UBE2E2: variants seen among roughly 807,000 people sequenced by gnomAD.
The protein encoded by UBE2E2 is ubiquitin conjugating enzyme E2 E2.
Under a neutral mutation model 24.7 loss-of-function variants are expected in UBE2E2, and 6 were observed. That is an observed-to-expected ratio of 0.24 (90% confidence interval 0.13 to 0.48). The LOEUF is 0.48. UBE2E2 is among the 20% of genes least tolerant of loss of function. The probability of loss-of-function intolerance (pLI) is 0.99; values close to 1 mark genes in which losing one functional copy is unlikely to be tolerated. For synonymous variants in UBE2E2, 104 were observed against 83.6 expected (o/e 1.24, Z -1.33); for missense variants, 169 against 245.0 (o/e 0.69, Z 2.07).
At chr3:23,443,087 A>G (rs1698342756) in intron 3 of UBE2E2, among the ~76,000 whole-genome samples, 1 of 152,138 alleles carries the variant, frequency 6.6e-6, no homozygotes, top group Non-Finnish European at 1.5e-5. Context: ...TTTTCTGGCC[A>G]TTATCCCTCT....
Position 23,540,695 on chromosome 3 carries a change from GCCTGGCAGACTGACA to G in UBE2E2, c.508+7998_508+8012del, listed in dbSNP as rs1695378241. Among the ~76,000 whole-genome samples the G allele has an allele frequency of 2.6e-5, 4 of 152,078 alleles. 1 individual carries two copies. The South Asian group carries it at 8.3e-4, about 32-fold the overall frequency. On this transcript the variant is annotated intron_variant, in intron 5 of 5. Coordinates refer to ENST00000396703, the MANE Select transcript of UBE2E2 (RefSeq NM_152653.4). ...TAGGATTACAGGCATGAGCCACCGT[GCCTGGCAGACTGACA>G]CCTTTTTAAAAAAATAGAGAGAGAG...
At chr3:23,227,553 C>G (rs1696860651) in intron 3 of UBE2E2, among the ~76,000 whole-genome samples, 1 of 152,168 alleles carries the variant, frequency 6.6e-6, no homozygotes, top group African/African-American at 2.4e-5. Context: ...GTATCCATCT[C>G]TTTTTCCTTT....
chr3:23,357,183 A>G (rs1315969964), intron 3 of UBE2E2, among the ~76,000 whole-genome samples: 1 of 152,238 alleles, frequency 6.6e-6, no homozygotes, highest in African/African-American at 2.4e-5. Flanking sequence ...GGAATGGGAT[A>G]TCAGAATGGA....
At chr3:23,418,869 G>C (rs1229856363) in intron 3 of UBE2E2, among the ~76,000 whole-genome samples, 1 of 151,984 alleles carries the variant, frequency 6.6e-6, no homozygotes, top group Non-Finnish European at 1.5e-5. Flanking sequence ...ACTTAAATAT[G>C]GTTAAAATAC....
At chr3:23,418,811 G>A (rs1026297727) in intron 3 of UBE2E2, among the ~76,000 whole-genome samples, 1 of 152,178 alleles carries the variant, frequency 6.6e-6, no homozygotes, top group African/African-American at 2.4e-5. Context: ...ATGACTCTGA[G>A]CATCAGATTT....
At chr3:23,355,227 TG>T (rs1480971055) in intron 3 of UBE2E2, among the ~76,000 whole-genome samples, 3 of 32,166 alleles carry the variant, frequency 9.3e-5, no homozygotes, top group South Asian at 9.3e-4. Context: ...TGGGGACTGG[TG>T]GGGGGTTGGG....
At chr3:23,248,210 T>G (rs929809210) in intron 3 of UBE2E2, among the ~76,000 whole-genome samples, 5 of 152,254 alleles carry the variant, frequency 3.3e-5, no homozygotes, top group Admixed American at 2.6e-4. Flanking sequence ...TTGATCAGGT[T>G]GTTGTCTTCA....
At chr3:23,487,915 T>C (rs1049591122) in intron 3 of UBE2E2, among the ~76,000 whole-genome samples, 1 of 152,142 alleles carries the variant, frequency 6.6e-6, no homozygotes, top group African/African-American at 2.4e-5. Flanking sequence ...TTTGATAACG[T>C]TGGCTTCCAG....
chr3:23,529,601 T>A (rs1361770325), intron 4 of UBE2E2, among the ~76,000 whole-genome samples: 1 of 152,218 alleles, frequency 6.6e-6, no homozygotes, highest in Non-Finnish European at 1.5e-5. Flanking sequence ...TGCCTTAGTT[T>A]CATCATTTTT....
At position 23,343,210 on chromosome 3, in the gene UBE2E2, G is replaced by A. The variant is rs4858507; in HGVS notation, c.227+125898G>A. Among the ~76,000 whole-genome samples the A allele has an allele frequency of 2.0e-5, 3 of 151,762 alleles. No homozygotes were observed. The East Asian group carries it at 5.8e-4, about 29-fold the overall frequency. ...TTCATGAAACATTGTGACATGGAAA[G>A]GTACTTAGGACTTAGTCTAAAATGG... is the stretch of plus-strand genomic sequence containing the variant. On this transcript the variant is annotated intron_variant, in intron 3 of 5. Coordinates refer to ENST00000396703, the MANE Select transcript of UBE2E2 (RefSeq NM_152653.4).
chr3:23,418,149 G>A (rs1457947038), intron 3 of UBE2E2, among the ~76,000 whole-genome samples: 3 of 152,162 alleles, frequency 2.0e-5, no homozygotes, highest in East Asian at 1.9e-4. Flanking sequence ...ACAAATGGCC[G>A]TCCAGTTTTG....
Position 23,589,993 on chromosome 3 carries a change from TC to T in UBE2E2, c.*164del. 1 of 575,858 alleles carries T rather than the reference TC, an allele frequency of 1.7e-6. No individual in the cohort carries two copies. The highest frequency in any genetic ancestry group is 3.0e-5 in the Admixed American group (1 of 33,522). The allele number at this position is 575,858 out of a possible 1,614,324, so 35.7% of individuals were successfully genotyped here. On this transcript the variant is annotated 3_prime_UTR_variant, in exon 6 of 6. Transcript: ENST00000396703. This position sits in a 1 kb window ranked among gnomAD's most constrained non-coding sequence, Gnocchi z 4.1. ...TTGTCCATCTTCCCATCCCAGTTCT[TC>T]CTGCCCCCCTTCCTCTCTCCCACGC...
intron 3 of UBE2E2, among the ~76,000 whole-genome samples, chr3:23,319,321 A>G (rs1694677944): frequency 6.6e-6 from 1 of 152,328 alleles, no homozygotes. Flanking sequence ...TCTAAAACTT[A>G]ACATTCTTAG....
At chr3:23,374,109 T>C (rs936941158) in intron 3 of UBE2E2, among the ~76,000 whole-genome samples, 1 of 152,190 alleles carries the variant, frequency 6.6e-6, no homozygotes, top group South Asian at 2.1e-4. Flanking sequence ...TATAATGGTA[T>C]AAAATCTTTA....
At chr3:23,565,223 T>G (rs912705452) in intron 5 of UBE2E2, among the ~76,000 whole-genome samples, 1 of 152,058 alleles carries the variant, frequency 6.6e-6, no homozygotes, top group African/African-American at 2.4e-5. Flanking sequence ...CATTATGATG[T>G]GAGTCAAGGT....
At chr3:23,551,148 C>T (rs765262458) in intron 5 of UBE2E2, among the ~76,000 whole-genome samples, 14 of 152,114 alleles carry the variant, frequency 9.2e-5, no homozygotes, top group Non-Finnish European at 5.9e-5. Flanking sequence ...CAACACTCAA[C>T]AACATAAAAA....
At chr3:23,491,290 A>G (rs1699489715) in intron 3 of UBE2E2, among the ~76,000 whole-genome samples, 1 of 152,188 alleles carries the variant, frequency 6.6e-6, no homozygotes, top group Non-Finnish European at 1.5e-5. Flanking sequence ...GGGCATAGGG[A>G]ATGCCTTTTC....
At chr3:23,466,914 A>G (rs1313087585) in intron 3 of UBE2E2, among the ~76,000 whole-genome samples, 1 of 152,152 alleles carries the variant, frequency 6.6e-6, no homozygotes, top group Non-Finnish European at 1.5e-5. Context: ...CATATTCATT[A>G]TTTGCCAGCT....
At chr3:23,296,190 C>G (rs191245074) in intron 3 of UBE2E2, among the ~76,000 whole-genome samples, 5 of 152,130 alleles carry the variant, frequency 3.3e-5, no homozygotes, top group Admixed American at 3.3e-4. Flanking sequence ...GCTTTCCATT[C>G]TAAAACTCAT....
Sources: allele counts gnomAD v4.1 joint callset (sites outside exome capture counted in the v4.1 genomes callset), GRCh38; gene constraint gnomAD v4.1.1; non-coding constraint Gnocchi (gnomAD v3.1); transcripts MANE v1.5; gene names NCBI Gene and HGNC (gene_info 2026-07-23, HGNC 2026-07-21).